The following HDGFL3 variants were observed in gnomAD, a reference collection of about 807,000 sequenced individuals.
HDGFL3 encodes hepatoma-derived growth factor-related protein 3.
Under a neutral mutation model 27.6 loss-of-function variants are expected in HDGFL3, and 6 were observed. That is an observed-to-expected ratio of 0.22 (90% CI 0.12 to 0.43). The LOEUF (loss-of-function observed/expected upper bound fraction) is 0.43, where lower values mean the gene tolerates loss of function less well. Ranked by LOEUF, HDGFL3 falls within the 20% of genes least tolerant of loss-of-function variation. The pLI, the probability that HDGFL3 is intolerant of heterozygous loss-of-function variation, is 1.00. For synonymous variants in HDGFL3, 88 were observed against 88.9 expected (o/e 0.99, Z 0.05); for missense variants, 207 against 250.1 (o/e 0.83, Z 1.16).
chr15:83,184,676 T>C (rs768375664), intron 1 of HDGFL3: 7 of 152,150 alleles, frequency 4.6e-5, no homozygotes, highest in Non-Finnish European at 1.0e-4. Flanking sequence ...ATATATTAGG[T>C]AGTACTGTAA....
intron 5 of HDGFL3, among the ~76,000 whole-genome samples, chr15:83,142,553 G>C (rs2036797062): frequency 6.6e-6 from 1 of 152,070 alleles, no homozygotes; most frequent in Non-Finnish European, 1.5e-5. Flanking sequence ...AAGAGGATCA[G>C]AAAAAGTAAC....
At chr15:83,125,204 C>G (rs1266962455), downstream of HDGFL3, among the ~76,000 whole-genome samples, 1 of 152,190 alleles carries the variant, frequency 6.6e-6, no homozygotes, top group Non-Finnish European at 1.5e-5. Context: ...TTCAACAATT[C>G]ACGTGTATGT....
intron 4 of HDGFL3, among the ~76,000 whole-genome samples, chr15:83,157,093 A>G (rs1287985958): frequency 6.6e-6 from 1 of 152,050 alleles, no homozygotes; most frequent in Non-Finnish European, 1.5e-5. Flanking sequence ...TGTTTCCTAC[A>G]TTTCTCAATT....
At chr15:83,122,880 T>C (rs1186794337), downstream of HDGFL3, 3 of 1,613,408 alleles carry the variant, frequency 1.9e-6, no homozygotes, top group Non-Finnish European at 2.5e-6. Flanking sequence ...CCCTCAAAGG[T>C]GATTTTATTA....
intron 1 of HDGFL3, among the ~76,000 whole-genome samples, chr15:83,206,638 G>A (rs1341779766): frequency 3.3e-5 from 5 of 152,186 alleles, no homozygotes; most frequent in Admixed American, 6.5e-5. Flanking sequence ...CAAATATGGA[G>A]GTGGAAAGGC....
rs981197648 is a variant in HDGFL3, at chr15:83,151,259, C to T, written c.562G>A (p.Asp188Asn). Residue 188 changes from aspartate (D) to asparagine (N), a missense_variant, in exon 5 of 6, where the codon GAC (aspartate) becomes AAC (asparagine). Coordinates refer to ENST00000299633, the MANE Select transcript of HDGFL3 (RefSeq NM_016073.4). ...AAGTCTGAAGTTGTGTTTCTTGTGT[C>T]GTTGCCCGCATCTCCACCCTCAGAG... is the stretch of plus-strand genomic sequence containing the variant. ...SSSEGGDAGN[D>N]TRNTTSDLQK... The T allele has an allele frequency of 9.9e-6, 16 of 1,613,114 alleles. No homozygotes were observed. The highest frequency in any genetic ancestry group is 5.3e-5 in the African/African-American group (4 of 74,906).
At chr15:83,157,769 A>G (rs1002368801) in intron 3 of HDGFL3, 134 bp downstream of exon 3, 1 of 988,596 alleles carries the variant, frequency 1.0e-6, no homozygotes, top group Non-Finnish European at 1.5e-6. Flanking sequence ...CATTTAATCC[A>G]AAATGCTACT....
chr15:83,161,030 A>G (rs188349725), intron 2 of HDGFL3, among the ~76,000 whole-genome samples: 143 of 152,334 alleles, frequency 9.4e-4, no homozygotes, highest in African/African-American at 3.4e-3. Flanking sequence ...TGCTTGATAA[A>G]CTGAACACAA....
At position 83,207,718 on chromosome 15, in the gene HDGFL3, C is replaced by T; in HGVS notation, c.-304G>A. 1 of 150,292 alleles carries T rather than the reference C, an allele frequency of 6.7e-6. No homozygotes were observed. The highest frequency in any genetic ancestry group is 1.5e-5 in the Non-Finnish European group (1 of 68,240). 9.3% of individuals were successfully genotyped at this position (150,292 alleles called of 1,614,324 possible). On this transcript the variant is annotated 5_prime_UTR_variant, in exon 1 of 6. The change abolishes the stop of an existing upstream ORF in the 5' untranslated region. Transcript: ENST00000299633. This position sits in a 1 kb window ranked among gnomAD's most constrained non-coding sequence, Gnocchi z 4.8. ...CGCCGCCGCCGCCGCGCGCGCTGCT[C>T]ACCAGCGCCGCGTCGCCTGCCTCAT...
chr15:83,157,359 A>G, intron 4 of HDGFL3, 56 bp downstream of exon 4: 1 of 1,501,046 alleles, frequency 6.7e-7, no homozygotes, highest in South Asian at 1.1e-5. Flanking sequence ...AATAATCTAA[A>G]AATGTTTAAT....
intron 1 of HDGFL3, among the ~76,000 whole-genome samples, chr15:83,190,845 C>T (rs1596566182): frequency 6.6e-6 from 1 of 152,134 alleles, no homozygotes; most frequent in East Asian, 1.9e-4. Context: ...TTCCTTACTC[C>T]AGGGACACAA....
intron 1 of HDGFL3, among the ~76,000 whole-genome samples, chr15:83,190,275 A>T (rs952997568): frequency 7.9e-5 from 12 of 151,990 alleles, no homozygotes; most frequent in Admixed American, 3.3e-4. Flanking sequence ...TGTTGTTGTA[A>T]AATTCTTGTA....
rs558197472 is a variant in HDGFL3 at position 83,169,768 on chromosome 15, C to T, written c.85-5693G>A. Among the ~76,000 whole-genome samples, 336 of 152,264 alleles carry T rather than the reference C, an allele frequency of 2.2e-3. 2 individuals are homozygous for T. Among genetic ancestry groups the T allele is most frequent in the Non-Finnish European group, 4.3e-3 (292 of 68,028 alleles). ...TAAGCCGAGATTGCATCACTGTACT[C>T]CAGCCTGGGTGACAGAGCAAGAGTC... is the stretch of plus-strand genomic sequence containing the variant. On this transcript the variant is annotated intron_variant, in intron 1 of 5. Transcript: ENST00000299633.
chr15:83,146,971 T>C (rs1001592753), intron 5 of HDGFL3, among the ~76,000 whole-genome samples: 2 of 152,208 alleles, frequency 1.3e-5, no homozygotes, highest in Non-Finnish European at 2.9e-5. Context: ...AGTATCTACT[T>C]ACCTGTATCC....
chr15:83,112,810 G>A (rs1250913810), exon 4 of HDGFL3: 1 of 1,614,010 alleles, frequency 6.2e-7, no homozygotes, highest in Non-Finnish European at 8.5e-7. Context: ...CTGGACTATT[G>A]TAGGGGTTGC....
chr15:83,159,863 G>T (rs539787340), intron 2 of HDGFL3, among the ~76,000 whole-genome samples: 1 of 152,296 alleles, frequency 6.6e-6, no homozygotes, highest in South Asian at 2.1e-4. Flanking sequence ...AGATTATTTA[G>T]GGCCTTGAAG....
In HDGFL3 at chr15:83,131,313, G is replaced by C. The variant is rs562570483; in HGVS notation, c.*7957C>G. 2 of 152,116 alleles carry C rather than the reference G, an allele frequency of 1.3e-5. No individual in the cohort carries two copies. Among genetic ancestry groups the C allele is most frequent in the African/African-American group, 4.8e-5 (2 of 41,496 alleles). The allele number at this position is 152,116 out of a possible 1,614,324, so 9.4% of individuals were successfully genotyped here. On this transcript the variant is annotated 3_prime_UTR_variant, in exon 6 of 6. Coordinates refer to ENST00000299633, the MANE Select transcript of HDGFL3 (RefSeq NM_016073.4). ...AAAAAACCACCTTTGAAAAGTTCTA[G>C]ATCAGTATAGGCCAATGGAAGAAAT...
At chr15:83,163,117 T>C (rs2037121055) in intron 2 of HDGFL3, among the ~76,000 whole-genome samples, 1 of 152,188 alleles carries the variant, frequency 6.6e-6, no homozygotes, top group Non-Finnish European at 1.5e-5. Context: ...GTACAGTAAG[T>C]CCACACTTAA....
chr15:83,184,764 T>C (rs1567175310), intron 1 of HDGFL3: 1 of 152,162 alleles, frequency 6.6e-6, no homozygotes, highest in African/African-American at 2.4e-5. Flanking sequence ...AGAAGGCAAA[T>C]GGCAGATGAA....
Sources: gnomAD v4.1 joint callset for allele counts (sites outside exome capture counted in the v4.1 genomes callset) on GRCh38, gnomAD v4.1.1 for gene constraint, Gnocchi (gnomAD v3.1) non-coding constraint, MANE v1.5 for transcripts, NCBI Gene and HGNC (gene_info 2026-07-23, HGNC 2026-07-21) for gene names.